NMT2: variants seen among roughly 807,000 people sequenced by gnomAD.
NMT2 encodes N-myristoyltransferase 2, also known as glycylpeptide N-tetradecanoyltransferase 2.
A neutral mutation model predicts 65.4 loss-of-function variants in NMT2; 35 were observed. That is an observed-to-expected ratio of 0.54 (90% CI 0.41 to 0.71). The LOEUF (loss-of-function observed/expected upper bound fraction) is 0.71. NMT2 is among the 30% of genes least tolerant of loss of function. NMT2 has a pLI of 0.00. For synonymous variants in NMT2, 226 were observed against 231.8 expected, an observed-to-expected ratio of 0.98 and a Z score of 0.23; for missense variants, 489 against 611.3, an observed-to-expected ratio of 0.80 and a Z score of 2.11.
At chr10:15,161,634 A>T (rs1018494854) in intron 1 of NMT2, among the ~76,000 whole-genome samples, 1 of 152,202 alleles carries the variant, frequency 6.6e-6, no homozygotes, top group Non-Finnish European at 1.5e-5. Context: ...TGCTGGGATT[A>T]CAGGTGCGAG....
intron 3 of NMT2, among the ~76,000 whole-genome samples, chr10:15,133,927 C>T (rs1178583163): frequency 6.6e-6 from 1 of 152,140 alleles, no homozygotes; most frequent in African/African-American, 2.4e-5. Context: ...CCTTTGTCAT[C>T]CAGTGACAAA....
intron 1 of NMT2, among the ~76,000 whole-genome samples, chr10:15,146,910 C>T (rs998048030): frequency 2.0e-5 from 3 of 151,724 alleles, no homozygotes; most frequent in African/African-American, 7.3e-5. Context: ...CTGATCAACA[C>T]AGAAAGACCC....
intron 1 of NMT2, chr10:15,155,396 T>A: frequency 1.6e-6 from 1 of 611,598 alleles, no homozygotes; most frequent in Non-Finnish European, 2.9e-6. Flanking sequence ...AGAGATTGGG[T>A]CTCACTCTGT....
intron 9 of NMT2, 141 bp from the exon 10 acceptor site, chr10:15,113,104 C>A: frequency 1.2e-6 from 1 of 842,272 alleles, no homozygotes; most frequent in South Asian, 1.6e-5. Context: ...AATTTGGGGC[C>A]CCTTATATTG....
At chr10:15,112,333 A>T (rs1328562654) in intron 10 of NMT2, among the ~76,000 whole-genome samples, 1 of 140,726 alleles carries the variant, frequency 7.1e-6, no homozygotes, top group East Asian at 2.2e-4. Flanking sequence ...GGTTCAAGCA[A>T]TTCTCCTGCC....
chr10:15,156,543 A>G (rs148197181), intron 1 of NMT2, among the ~76,000 whole-genome samples: 337 of 152,304 alleles, frequency 2.2e-3, no homozygotes, highest in Non-Finnish European at 3.9e-3. Flanking sequence ...GAAAATGTAT[A>G]TATGAATATA....
intron 8 of NMT2, among the ~76,000 whole-genome samples, chr10:15,123,884 A>G (rs1022434435): frequency 5.9e-5 from 9 of 152,214 alleles, no homozygotes; most frequent in Non-Finnish European, 1.2e-4. Context: ...TCAGAGCTCT[A>G]TTAAAAAACA....
At position 15,106,268 on chromosome 10, in the gene NMT2, T is replaced by C. The variant is rs1040896683; in HGVS notation, c.*2927A>G. On this transcript the variant is annotated 3_prime_UTR_variant, in exon 12 of 12. Coordinates refer to ENST00000378165, the MANE Select transcript of NMT2 (RefSeq NM_004808.3). Reference sequence around the variant, plus strand: ...CCTTGGCCTCCCAAAGTGCAGGGATTACAGGTGTGAGCCACCGTGCCTGGC... The same window carrying C: ...CCTTGGCCTCCCAAAGTGCAGGGATCACAGGTGTGAGCCACCGTGCCTGGC... 1 of 165,206 alleles carries C rather than the reference T, an allele frequency of 6.1e-6. No homozygotes were observed. The allele number at this position is 165,206 out of a possible 1,614,324, so 10.2% of individuals were successfully genotyped here. A position where few individuals can be genotyped will look rare whatever the true frequency, so the allele number is the denominator to read the frequency against.
chr10:15,168,126 GC>G (rs1291215536), intron 1 of NMT2, among the ~76,000 whole-genome samples: 1 of 152,164 alleles, frequency 6.6e-6, no homozygotes, highest in Non-Finnish European at 1.5e-5. Context: ...GGCTGCGGCC[GC>G]CACAAAGGGA....
chr10:15,128,063 T>A (rs184399197), intron 8 of NMT2, among the ~76,000 whole-genome samples: 2 of 152,348 alleles, frequency 1.3e-5, no homozygotes, highest in Admixed American at 1.3e-4. Flanking sequence ...TCCTTCTTAC[T>A]TAACAGACCA....
intron 1 of NMT2, among the ~76,000 whole-genome samples, chr10:15,160,622 A>G (rs919771630): frequency 1.3e-5 from 2 of 151,998 alleles, no homozygotes; most frequent in African/African-American, 4.8e-5. Context: ...AAAAATACAA[A>G]AATTAGCTAG....
At chr10:15,127,542 G>T (rs188508022) in intron 8 of NMT2, among the ~76,000 whole-genome samples, 1 of 55,020 alleles carries the variant, frequency 1.8e-5, no homozygotes, top group Non-Finnish European at 4.0e-5. Flanking sequence ...GTGAGACTCC[G>T]TCTCAAAAAA....
In NMT2 at chr10:15,108,858, T is replaced by C; in HGVS notation, c.*337A>G. The C allele has an allele frequency of 1.8e-6, 2 of 1,087,910 alleles. No homozygotes were observed. The highest frequency in any genetic ancestry group is 2.2e-6 in the Non-Finnish European group (2 of 896,612). 67.4% of individuals were successfully genotyped at this position (1,087,910 alleles called of 1,614,324 possible). On this transcript the variant is annotated 3_prime_UTR_variant, in exon 12 of 12. Transcript: ENST00000378165. ...TAGCAAAGATTTTCTTACATGACTC[T>C]GTAACTTCTACTTAGTCCATAGAAA...
At position 15,132,931 on chromosome 10, in the gene NMT2, G is replaced by A; in HGVS notation, c.605C>T (p.Ala202Val). The change falls in exon 6 of 12, where the codon GCT (alanine) becomes GTT (valine). Residue 202 changes from alanine to valine, a missense_variant and splice_region_variant. Coordinates refer to ENST00000378165, the MANE Select transcript of NMT2 (RefSeq NM_004808.3). Reference sequence around the variant, plus strand: ...CAGGAGCCAGCCTGGTGGACGCAGAGCCCTGAGGTCACGGTAGACAAGAAA... The same window carrying A: ...CAGGAGCCAGCCTGGTGGACGCAGAACCCTGAGGTCACGGTAGACAAGAAA... ...FDYSPEFLLWALRPPGWLLQW... is the reference protein window; with the variant it reads ...FDYSPEFLLWVLRPPGWLLQW... The A allele has an allele frequency of 4.3e-6, 7 of 1,611,772 alleles. No individual in the cohort carries two copies. The highest frequency in any genetic ancestry group is 5.9e-6 in the Non-Finnish European group (7 of 1,178,448).
chr10:15,155,347 C>T (rs779398124), intron 1 of NMT2: 38 of 940,032 alleles, frequency 4.0e-5, no homozygotes, highest in Middle Eastern at 4.4e-4. Context: ...CTCCTGGTGG[C>T]GGTGGCGTCT....
In NMT2 at chr10:15,130,183, G is replaced by A. The variant is rs555608154; in HGVS notation, c.849C>T (p.Tyr283=). 11 of 1,596,998 alleles carry A rather than the reference G, an allele frequency of 6.9e-6. No individual in the cohort carries two copies. The South Asian group carries it at 9.2e-5, about 13-fold the overall frequency. Residue 283 remains tyrosine (Y), a synonymous_variant, in exon 7 of 12, where the codon TAC becomes TAT. Transcript: ENST00000378165. ...GCTTAGGAAGAACCACTCCCGCGGT[G>A]TACACAGCCTGGAAGATCCCTTCCA... ...VNLEGIFQAV[Y]TAGVVLPKPI...
chr10:15,132,933 C>A lies in NMT2; in HGVS notation c.603G>T (p.Trp201Cys). 1 of 1,611,364 alleles carries A rather than the reference C, an allele frequency of 6.2e-7. No individual in the cohort carries two copies. Among genetic ancestry groups the A allele is most frequent in the Non-Finnish European group, 8.5e-7 (1 of 1,178,178 alleles). The change falls in exon 6 of 12, where the codon TGG becomes TGT. Residue 201 changes from tryptophan to cysteine, a missense_variant and splice_region_variant. Trp to Cys is a radical substitution (Grantham distance 215). Coordinates refer to ENST00000378165, the MANE Select transcript of NMT2 (RefSeq NM_004808.3). ...RFDYSPEFLL[W>C]ALRPPGWLLQ... is the part of the protein sequence containing the mutation. ...GGAGCCAGCCTGGTGGACGCAGAGC[C>A]CTGAGGTCACGGTAGACAAGAAAAC...
intron 1 of NMT2, among the ~76,000 whole-genome samples, chr10:15,153,743 A>G (rs1273945130): frequency 3.3e-5 from 5 of 151,752 alleles, no homozygotes; most frequent in Non-Finnish European, 7.4e-5. Flanking sequence ...TCCGCCTCCC[A>G]GGTTCACACC....
intron 3 of NMT2, among the ~76,000 whole-genome samples, chr10:15,134,341 G>A (rs1470853993): frequency 2.0e-5 from 3 of 152,164 alleles, no homozygotes; most frequent in Non-Finnish European, 4.4e-5. Flanking sequence ...CCAGTGCTCT[G>A]GCCATGATGA....
Sources: gnomAD v4.1 joint callset for allele counts (sites outside exome capture counted in the v4.1 genomes callset) on GRCh38, gnomAD v4.1.1 for gene constraint, MANE v1.5 for transcripts, NCBI Gene and HGNC (gene_info 2026-07-23, HGNC 2026-07-21) for gene names.